PTPRJ: variants seen among roughly 807,000 people sequenced by gnomAD.
PTPRJ encodes the protein receptor-type tyrosine-protein phosphatase eta.
Under a neutral mutation model 141.3 loss-of-function variants are expected in PTPRJ, and 129 were observed. That is an observed-to-expected ratio of 0.91 (90% CI 0.79 to 1.06). The LOEUF (loss-of-function observed/expected upper bound fraction) is 1.06. PTPRJ is among the 50% of genes least tolerant of loss of function. PTPRJ has a pLI of 0.00. For missense variants in PTPRJ, 1,601 were observed against 1,679.7 expected (o/e 0.95, Z 0.82); for synonymous variants, 610 against 640.5 (o/e 0.95, Z 0.72).
At chr11:48,035,914 T>A (rs570380233) in intron 1 of PTPRJ, among the ~76,000 whole-genome samples, 1 of 152,364 alleles carries the variant, frequency 6.6e-6, no homozygotes, top group East Asian at 1.9e-4. Flanking sequence ...ACCCATGTTC[T>A]ATATCTGTAC....
intron 3 of PTPRJ, among the ~76,000 whole-genome samples, chr11:48,116,193 G>C (rs951734093): frequency 1.3e-5 from 2 of 151,888 alleles, no homozygotes; most frequent in Admixed American, 6.6e-5. Flanking sequence ...TCACCTGCAA[G>C]GACATGCCTA....
intron 1 of PTPRJ, among the ~76,000 whole-genome samples, chr11:47,985,342 C>T (rs902263253): frequency 6.6e-5 from 10 of 151,112 alleles, no homozygotes; most frequent in Non-Finnish European, 1.3e-4. Flanking sequence ...GATGGTGTCT[C>T]GCTATGTTGC....
Position 48,142,948 on chromosome 11 carries a change from AT to A in PTPRJ, c.2475del (p.Thr826HisfsTer8). The part of the protein sequence containing the change: ...DPPPPDGSPN[I>X]TSVSHNSVKV... ...CCCTCCTCCAGATGGATCCCCTAAT[AT>A]TACATCTGTCAGTCACAATTCAGTA... On this transcript the variant is annotated frameshift_variant, in exon 12 of 25. Coordinates refer to ENST00000418331, the MANE Select transcript of PTPRJ (RefSeq NM_002843.4). LOFTEE classifies it high-confidence loss of function. The A allele has an allele frequency of 1.9e-6, 3 of 1,614,080 alleles. No homozygotes were observed. The highest frequency in any genetic ancestry group is 2.5e-6 in the Non-Finnish European group (3 of 1,179,958).
chr11:48,065,139 C>T (rs774042959), intron 1 of PTPRJ, among the ~76,000 whole-genome samples: 4 of 151,080 alleles, frequency 2.6e-5, no homozygotes, highest in African/African-American at 4.9e-5. Flanking sequence ...CTCAGCCTCC[C>T]GAGTAGCTGG....
chr11:48,005,496 A>G (rs958962960), intron 1 of PTPRJ, among the ~76,000 whole-genome samples: 3 of 152,216 alleles, frequency 2.0e-5, no homozygotes, highest in African/African-American at 7.2e-5. Flanking sequence ...AGTGTTTTCA[A>G]GGTCCATCCA....
intron 3 of PTPRJ, among the ~76,000 whole-genome samples, chr11:48,119,163 C>T (rs955078419): frequency 6.6e-6 from 1 of 152,134 alleles, no homozygotes; most frequent in Non-Finnish European, 1.5e-5. Flanking sequence ...GCTACCTGCA[C>T]CACTGTAACT....
chr11:48,076,858 T>A (rs796204886), intron 1 of PTPRJ, among the ~76,000 whole-genome samples: 3 of 151,932 alleles, frequency 2.0e-5, no homozygotes, highest in African/African-American at 7.2e-5. Context: ...AACTCTTTTT[T>A]CTTTTTCTTT....
intron 8 of PTPRJ, among the ~76,000 whole-genome samples, chr11:48,135,829 A>C (rs1857088422): frequency 6.6e-6 from 1 of 152,184 alleles, no homozygotes; most frequent in East Asian, 1.9e-4. Context: ...TGGTAAGATA[A>C]ACTGGGAAGT....
At chr11:48,030,571 C>T (rs762593427) in intron 1 of PTPRJ, among the ~76,000 whole-genome samples, 30 of 152,186 alleles carry the variant, frequency 2.0e-4, no homozygotes, top group Non-Finnish European at 4.1e-4. Flanking sequence ...GGCGAAACAC[C>T]ATCTCTACTA....
At chr11:48,013,401 C>T (rs1009058690) in intron 1 of PTPRJ, among the ~76,000 whole-genome samples, 11 of 152,136 alleles carry the variant, frequency 7.2e-5, no homozygotes, top group South Asian at 2.1e-4. Context: ...GAGCCAGTGC[C>T]GGTACTAGGT....
chr11:48,156,265 T>C lies in PTPRJ; in HGVS notation c.3438+146T>C, dbSNP rs545390585. The stretch of plus-strand genomic sequence containing the variant: ...TTATAAACTTGTTTTCTGTCTTTTT[T>C]TCCCCATAAGAGAAATGTTTAAAAA... On this transcript the variant is annotated intron_variant, in intron 21 of 24. Coordinates refer to ENST00000418331, the MANE Select transcript of PTPRJ (RefSeq NM_002843.4). 7.2e-6 allele frequency: 5 copies of C among 695,732 alleles called. No homozygotes were observed. The Admixed American group carries it at 1.4e-4, about 19-fold the overall frequency. The allele number at this position is 695,732 out of a possible 1,614,324, so 43.1% of individuals were successfully genotyped here.
In PTPRJ at chr11:48,144,855, A is replaced by G. The variant is rs1368991431; in HGVS notation, c.2756A>G (p.Asn919Ser). 3.1e-6 allele frequency: 5 copies of G among 1,614,042 alleles called. No homozygotes were observed. The highest frequency in any genetic ancestry group is 1.1e-5 in the South Asian group (1 of 91,076). ...GAGTCAACCACACTTGGTTATTACAATGGGAAGCTGGAACCTCTGGGCTCC... is the reference window on the plus strand; with the variant it reads ...GAGTCAACCACACTTGGTTATTACAGTGGGAAGCTGGAACCTCTGGGCTCC... ...GNESTTLGYYNGKLEPLGSYR... is the reference protein window; with the variant it reads ...GNESTTLGYYSGKLEPLGSYR... The change falls in exon 13 of 25, where the codon AAT becomes AGT. Residue 919 changes from asparagine to serine, a missense_variant. Asn to Ser is a conservative substitution (Grantham distance 46, BLOSUM62 1). Transcript: ENST00000418331.
In PTPRJ at chr11:48,016,219, T is replaced by C. The variant is rs1341509433; in HGVS notation, c.96+35211T>C. Among the ~76,000 whole-genome samples the C allele has an allele frequency of 2.0e-5, 3 of 152,324 alleles. No individual in the cohort carries two copies. In the East Asian group the frequency reaches 5.8e-4, roughly 29 times the overall value. On this transcript the variant is annotated intron_variant, in intron 1 of 24. Transcript: ENST00000418331. The stretch of plus-strand genomic sequence containing the variant: ...TCACCCAGGAGAGAACCCATACCTC[T>C]GCTTCTTGCTTGTGAGGCATCAGGT...
chr11:48,136,041 C>G lies in PTPRJ; in HGVS notation c.1618C>G (p.Pro540Ala). Residue 540 changes from proline to alanine, a missense_variant and splice_region_variant, in exon 9 of 25, where the codon CCC becomes GCC. Physicochemically the swap from Pro to Ala is conservative, Grantham distance 27. Coordinates refer to ENST00000418331, the MANE Select transcript of PTPRJ (RefSeq NM_002843.4). ...ASRTVCNRTV[P>A]SAVFDIHVVY... Reference sequence around the variant, plus strand: ...TCTCCTTCCTTTCTTCTGAGCAGTTCCCAGTGCAGTGTTTGACATCCACGT... The same window carrying G: ...TCTCCTTCCTTTCTTCTGAGCAGTTGCCAGTGCAGTGTTTGACATCCACGT... 1 of 1,613,486 alleles carries G rather than the reference C, an allele frequency of 6.2e-7. No homozygotes were observed. The highest frequency in any genetic ancestry group is 8.5e-7 in the Non-Finnish European group (1 of 1,179,600).
rs978786365 is a variant in PTPRJ at position 48,146,905 on chromosome 11, A to G, written c.2941A>G (p.Ile981Val). Residue 981 changes from isoleucine to valine, a missense_variant, in exon 15 of 25, where the codon ATC (isoleucine) becomes GTC (valine). Transcript: ENST00000418331. ...GVICGAVFGC[I>V]FGALVIVTVG... ...CATCTGTGGAGCGGTTTTTGGCTGTATCTTTGGTGCCCTGGTTATTGTGAC... is the reference window on the plus strand; with the variant it reads ...CATCTGTGGAGCGGTTTTTGGCTGTGTCTTTGGTGCCCTGGTTATTGTGAC... The G allele has an allele frequency of 6.2e-6, 10 of 1,614,028 alleles. No homozygotes were observed. The East Asian group carries it at 1.8e-4, about 29-fold the overall frequency.
intron 1 of PTPRJ, among the ~76,000 whole-genome samples, chr11:48,106,120 T>C (rs1856281769): frequency 6.6e-6 from 1 of 152,152 alleles, no homozygotes; most frequent in African/African-American, 2.4e-5. Context: ...TACTGTGGAT[T>C]GAAGGGAGAG....
In PTPRJ at chr11:48,118,284, T is replaced by G. The variant is rs989669335; in HGVS notation, c.353-2719T>G. 2.6e-5 allele frequency among the ~76,000 whole-genome samples: 4 copies of G among 152,288 alleles called. No individual in the cohort carries two copies. The East Asian group carries it at 5.8e-4, about 22-fold the overall frequency. ...TTTTTTTGTAGAGATGGGGTCTCAC[T>G]GTGTTGCCCAGGCTGCTCTTGAACT... is the stretch of plus-strand genomic sequence containing the variant. On this transcript the variant is annotated intron_variant, in intron 3 of 24. Transcript: ENST00000418331.
At chr11:48,065,004 CTTTTTTTTTT>C (rs61139660) in intron 1 of PTPRJ, among the ~76,000 whole-genome samples, 6 of 117,194 alleles carry the variant, frequency 5.1e-5, no homozygotes, top group East Asian at 2.2e-4. Context: ...CCTCAACTAC[CTTTTTTTTTT>C]TTTTTTTTTT....
At chr11:48,103,663 C>T (rs1025076255) in intron 1 of PTPRJ, among the ~76,000 whole-genome samples, 14 of 152,234 alleles carry the variant, frequency 9.2e-5, no homozygotes, top group Non-Finnish European at 1.8e-4. Flanking sequence ...GGTGTATACA[C>T]GGTGTATACA....
Sources: gnomAD v4.1 joint callset for allele counts (sites outside exome capture counted in the v4.1 genomes callset) on GRCh38, gnomAD v4.1.1 for gene constraint, MANE v1.5 for transcripts, NCBI Gene and HGNC (gene_info 2026-07-23, HGNC 2026-07-21) for gene names.